CCDC77: variants seen among roughly 807,000 people sequenced by gnomAD.
CCDC77 encodes the protein coiled-coil domain containing 77.
A neutral mutation model predicts 66.8 loss-of-function variants in CCDC77; 56 were observed. The observed-to-expected ratio is 0.84, with a 90% confidence interval of 0.68 to 1.05. CCDC77 has a LOEUF of 1.05. Ranked by LOEUF, CCDC77 falls within the 50% of genes least tolerant of loss-of-function variation. The probability of loss-of-function intolerance (pLI) is 0.00; values close to 1 mark genes in which losing one functional copy is unlikely to be tolerated. For synonymous variants in CCDC77, 196 were observed against 195.2 expected, an observed-to-expected ratio of 1.00 and a Z score of -0.03; for missense variants, 570 against 576.8, an observed-to-expected ratio of 0.99 and a Z score of 0.12.
intron 5 of CCDC77, among the ~76,000 whole-genome samples, chr12:428,499 A>G (rs1243432084): frequency 8.6e-6 from 1 of 115,670 alleles, no homozygotes; most frequent in Non-Finnish European, 1.7e-5. Context: ...CAACAGAGCG[A>G]GACTCTGTCT....
At chr12:418,246 G>T (rs1448788426) in intron 4 of CCDC77, among the ~76,000 whole-genome samples, 1 of 152,170 alleles carries the variant, frequency 6.6e-6, no homozygotes, top group Non-Finnish European at 1.5e-5. Context: ...CTAGAAGGTG[G>T]AGGTTGCAGT....
At chr12:436,513 C>T (rs1307527850) in intron 9 of CCDC77, among the ~76,000 whole-genome samples, 5 of 152,082 alleles carry the variant, frequency 3.3e-5, no homozygotes, top group African/African-American at 7.2e-5. Flanking sequence ...CGGGAGCCAT[C>T]GCGCCCGGTC....
intron 12 of CCDC77, 146 bp from the exon 13 acceptor site, chr12:441,628 T>TA: frequency 1.3e-6 from 1 of 789,506 alleles, no homozygotes; most frequent in Non-Finnish European, 1.9e-6. Flanking sequence ...CTTCTTTAGT[T>TA]AGCCACTGAA....
At chr12:393,027 G>A (rs770241238) in intron 1 of CCDC77, among the ~76,000 whole-genome samples, 10 of 136,310 alleles carry the variant, frequency 7.3e-5, no homozygotes, top group African/African-American at 1.9e-4. Flanking sequence ...TCTCCAACCC[G>A]TTACAATATG....
chr12:430,773 T>C (rs749755330), intron 7 of CCDC77, 37 bp downstream of exon 7: 1 of 1,517,252 alleles, frequency 6.6e-7, no homozygotes, highest in Non-Finnish European at 9.2e-7. Flanking sequence ...TTCTCATCAA[T>C]GCAGAATTGA....
chr12:429,976 T>C (rs184893988), intron 6 of CCDC77, among the ~76,000 whole-genome samples: 2 of 151,032 alleles, frequency 1.3e-5, no homozygotes, highest in African/African-American at 2.4e-5. Flanking sequence ...CCCTGCAATT[T>C]TGTTTATTTA....
chr12:399,925 T>G (rs372426941), upstream of CCDC77, among the ~76,000 whole-genome samples: 3 of 152,248 alleles, frequency 2.0e-5, no homozygotes, highest in African/African-American at 7.2e-5. Context: ...TTGACTTCTC[T>G]CTAGCTACAA....
At chr12:417,214 T>C (rs956335942) in intron 4 of CCDC77, among the ~76,000 whole-genome samples, 12 of 152,160 alleles carry the variant, frequency 7.9e-5, no homozygotes, top group African/African-American at 2.9e-4. Context: ...AACTGACTTA[T>C]TTCACTTAGC....
At chr12:427,134 A>G (rs1295402822) in intron 5 of CCDC77, among the ~76,000 whole-genome samples, 1 of 151,960 alleles carries the variant, frequency 6.6e-6, no homozygotes, top group African/African-American at 2.4e-5. Context: ...AGTCCCAGCT[A>G]CTCGGGAGGC....
intron 10 of CCDC77, 61 bp downstream of exon 10, chr12:438,615 A>G: frequency 8.0e-7 from 1 of 1,249,374 alleles, no homozygotes; most frequent in Non-Finnish European, 1.1e-6. Flanking sequence ...AGGAATTCCA[A>G]AGAACCTACA....
At position 411,787 on chromosome 12, in the gene CCDC77, C is replaced by G; in HGVS notation, c.79C>G (p.Pro27Ala). The G allele has an allele frequency of 3.1e-6, 5 of 1,613,990 alleles. No individual in the cohort carries two copies. Among genetic ancestry groups the G allele is most frequent in the Non-Finnish European group, 4.2e-6 (5 of 1,179,958 alleles). Residue 27 changes from proline to alanine, a missense_variant, in exon 4 of 13, where the codon CCC becomes GCC. Transcript: ENST00000239830. ...VSKRGVAVSG[P>A]TKRRGMADSL... ...CAAACGTGGTGTTGCCGTCAGTGGTCCCACCAAGAGGAGGGGAATGGCAGA... is the reference window on the plus strand; with the variant it reads ...CAAACGTGGTGTTGCCGTCAGTGGTGCCACCAAGAGGAGGGGAATGGCAGA...
chr12:424,723 C>G (rs1307491556), intron 5 of CCDC77, among the ~76,000 whole-genome samples: 1 of 152,000 alleles, frequency 6.6e-6, no homozygotes, highest in East Asian at 1.9e-4. Flanking sequence ...TTGCCAGATT[C>G]ATTGTCAGGA....
rs1416093931 is a variant in CCDC77, at chr12:440,857, A to G, written c.1181A>G (p.Lys394Arg). The G allele has an allele frequency of 6.2e-7, 1 of 1,613,524 alleles. No homozygotes were observed. Among genetic ancestry groups the G allele is most frequent in the African/African-American group, 1.3e-5 (1 of 74,932 alleles). ...RREIFKDRTNKMGKRLQIMTK... is the reference protein window; with the variant it reads ...RREIFKDRTNRMGKRLQIMTK... ...CCCCATATTTAGGATCGCACTAACA[A>G]GATGGGGAAGCGTTTACAGATAATG... is the stretch of plus-strand genomic sequence containing the variant. The change falls in exon 12 of 13, where the codon AAG becomes AGG. Residue 394 changes from lysine (K) to arginine (R), a missense_variant. Physicochemically the swap from Lys to Arg is conservative, Grantham distance 26. Coordinates refer to ENST00000239830, the MANE Select transcript of CCDC77 (RefSeq NM_032358.4).
chr12:414,934 G>A (rs957433070), intron 4 of CCDC77, among the ~76,000 whole-genome samples: 1 of 152,008 alleles, frequency 6.6e-6, no homozygotes, highest in Non-Finnish European at 1.5e-5. Context: ...TTTCACTCTA[G>A]CAGTACTGAA....
chr12:429,632 T>C (rs375629268), intron 6 of CCDC77, among the ~76,000 whole-genome samples: 8 of 152,186 alleles, frequency 5.3e-5, no homozygotes, highest in East Asian at 3.9e-4. Flanking sequence ...CTAATTTTTG[T>C]ATTTTTTGCA....
At chr12:423,513 T>TA (rs1945473924) in intron 5 of CCDC77, among the ~76,000 whole-genome samples, 1 of 119,342 alleles carries the variant, frequency 8.4e-6, no homozygotes, top group Non-Finnish European at 1.7e-5. Context: ...TTTTTTTTTT[T>TA]GAGACAGGGT....
intron 11 of CCDC77, 31 bp downstream of exon 11, chr12:440,773 T>A: frequency 6.2e-7 from 1 of 1,613,606 alleles, no homozygotes; most frequent in Non-Finnish European, 8.5e-7. Flanking sequence ...TGTAATGGAA[T>A]AGGAAGTGCA....
chr12:436,811 C>A (rs921682786), intron 9 of CCDC77: 32 of 948,480 alleles, frequency 3.4e-5, no homozygotes, highest in Non-Finnish European at 4.0e-5. Context: ...AATCCAGGGC[C>A]GTTAATGACT....
intron 2 of CCDC77, among the ~76,000 whole-genome samples, chr12:407,086 G>A (rs929322471): frequency 6.6e-6 from 1 of 152,182 alleles, no homozygotes; most frequent in African/African-American, 2.4e-5. Flanking sequence ...GGAGAGGATT[G>A]AGTGAAGCCA....
Sources: gnomAD v4.1 joint callset for allele counts (sites outside exome capture counted in the v4.1 genomes callset) on GRCh38, gnomAD v4.1.1 for gene constraint, MANE v1.5 for transcripts, NCBI Gene and HGNC (gene_info 2026-07-23, HGNC 2026-07-21) for gene names.